Variants in HPSE2 observed in about 807,000 individuals in gnomAD.
The protein encoded by HPSE2 is inactive heparanase-2.
HPSE2 carries 38 observed loss-of-function variants against 60.5 expected under a neutral mutation model. That is an observed-to-expected ratio of 0.63 (90% CI 0.48 to 0.82). HPSE2 has a LOEUF of 0.82. HPSE2 is among the 40% of genes least tolerant of loss of function. The pLI is 0.00. For synonymous variants in HPSE2, 295 were observed against 293.2 expected (o/e 1.01, Z -0.06); for missense variants, 713 against 740.4 (o/e 0.96, Z 0.43).
rs187230810 is a variant in HPSE2 at position 99,126,115 on chromosome 10, G to A, written c.610+18123C>T. Among the ~76,000 whole-genome samples, 3 of 152,262 alleles carry A rather than the reference G, an allele frequency of 2.0e-5. No individual in the cohort carries two copies. On this transcript the variant is annotated intron_variant, in intron 3 of 11. Coordinates refer to ENST00000370552, the MANE Select transcript of HPSE2 (RefSeq NM_021828.5). The surrounding 1 kb of genome is among the most constrained non-coding windows in gnomAD (Gnocchi z 4.0). ...GCTTACGACCTGGTGCAAGGTCTGA[G>A]TGAGGCACTGCAGGAACAAGACCAG...
chr10:98,593,114 T>G (rs145819619), intron 9 of HPSE2, among the ~76,000 whole-genome samples: 1 of 152,248 alleles, frequency 6.6e-6, no homozygotes, highest in African/African-American at 2.4e-5. Context: ...TAATATTTCC[T>G]GCCTTCAATT....
intron 3 of HPSE2, among the ~76,000 whole-genome samples, chr10:98,915,970 T>C (rs552805471): frequency 2.0e-5 from 3 of 152,196 alleles, no homozygotes; most frequent in Non-Finnish European, 2.9e-5. Flanking sequence ...TTTTTCCACA[T>C]AGGATTCACA....
chr10:98,503,987 C>A (rs545803067), intron 9 of HPSE2, among the ~76,000 whole-genome samples: 1 of 152,148 alleles, frequency 6.6e-6, no homozygotes, highest in Non-Finnish European at 1.5e-5. Flanking sequence ...CAAATACCAC[C>A]TTTACCCCAA....
chr10:99,136,920 G>T (rs185297970), intron 3 of HPSE2, among the ~76,000 whole-genome samples: 3 of 152,258 alleles, frequency 2.0e-5, no homozygotes, highest in African/African-American at 7.2e-5. Context: ...GAAATAAAGC[G>T]TATTCAAATA....
chr10:98,944,095 G>C (rs1955106629), intron 3 of HPSE2, among the ~76,000 whole-genome samples: 1 of 152,134 alleles, frequency 6.6e-6, no homozygotes, highest in African/African-American at 2.4e-5. Context: ...TAGAGGTACA[G>C]GGAAGATGCT....
In HPSE2 at chr10:98,585,951, CAA is replaced by C. The variant is rs35839169; in HGVS notation, c.1320+28951_1320+28952del. On this transcript the variant is annotated intron_variant, in intron 9 of 11. Coordinates refer to ENST00000370552, the MANE Select transcript of HPSE2 (RefSeq NM_021828.5). ...AGGGTGACAGAGCAAGACTGTGTCTCAAAAAAAAAAAAAAAAAAAAGTCCTTA... is the reference window on the plus strand; with the variant it reads ...AGGGTGACAGAGCAAGACTGTGTCTCAAAAAAAAAAAAAAAAAAGTCCTTA... 3.3e-3 allele frequency among the ~76,000 whole-genome samples: 388 copies of C among 117,070 alleles called. 3 individuals are homozygous for C. The highest frequency in any genetic ancestry group is 0.012 in the African/African-American group (357 of 29,960). The allele number at this position is 117,070 out of a possible 152,430, so 76.8% of individuals were successfully genotyped here.
intron 3 of HPSE2, among the ~76,000 whole-genome samples, chr10:99,046,966 T>C (rs1957870126): frequency 6.6e-6 from 1 of 152,088 alleles, no homozygotes; most frequent in Non-Finnish European, 1.5e-5. Context: ...AAAAAGATAT[T>C]CTAAAATTCA....
intron 3 of HPSE2, among the ~76,000 whole-genome samples, chr10:98,959,575 A>G (rs1230951915): frequency 6.6e-6 from 1 of 152,158 alleles, no homozygotes; most frequent in African/African-American, 2.4e-5. Context: ...TCAATGATCT[A>G]CATTTGAGAG....
At chr10:98,886,051 T>C (rs1953154693) in intron 3 of HPSE2, among the ~76,000 whole-genome samples, 1 of 152,082 alleles carries the variant, frequency 6.6e-6, no homozygotes, top group Admixed American at 6.6e-5. Context: ...TTTAAAACTT[T>C]AGGATGAAAC....
At chr10:98,798,609 T>C (rs1950834471) in intron 3 of HPSE2, among the ~76,000 whole-genome samples, 1 of 152,122 alleles carries the variant, frequency 6.6e-6, no homozygotes, top group Admixed American at 6.5e-5. Context: ...AGAGTTTTAA[T>C]TAGTTTTCTT....
chr10:98,515,558 C>T (rs1253783091), intron 9 of HPSE2, among the ~76,000 whole-genome samples: 1 of 152,020 alleles, frequency 6.6e-6, no homozygotes, highest in East Asian at 1.9e-4. Flanking sequence ...ATAGAATTAT[C>T]CTGTTTTAAG....
At chr10:98,483,122 A>G (rs908746160) in intron 10 of HPSE2, among the ~76,000 whole-genome samples, 1 of 152,238 alleles carries the variant, frequency 6.6e-6, no homozygotes, top group Non-Finnish European at 1.5e-5. Context: ...AAGAAGAAAA[A>G]GAAAATTCCC....
intron 9 of HPSE2, among the ~76,000 whole-genome samples, chr10:98,574,256 G>A (rs1440523385): frequency 3.3e-5 from 5 of 152,104 alleles, no homozygotes; most frequent in Non-Finnish European, 7.4e-5. Context: ...CAGTCATACT[G>A]TGGATTACTG....
chr10:99,048,584 T>C (rs1322990662), intron 3 of HPSE2, among the ~76,000 whole-genome samples: 2 of 152,090 alleles, frequency 1.3e-5, no homozygotes, highest in African/African-American at 2.4e-5. Context: ...AAACAAGATA[T>C]ATTGGTGAGG....
chr10:99,195,846 T>TA lies in HPSE2; in HGVS notation c.448+36501dup, dbSNP rs35111021. 2.0e-3 allele frequency among the ~76,000 whole-genome samples: 299 copies of TA among 149,290 alleles called. 1 individual carries two copies. The highest frequency in any genetic ancestry group is 0.011 in the East Asian group (58 of 5,098). ...ATATCAATGACATTCTTCACCAAAA[T>TA]AAAAAAAAAATCCTAAAATTTATAT... On this transcript the variant is annotated intron_variant, in intron 2 of 11. Transcript: ENST00000370552.
intron 3 of HPSE2, among the ~76,000 whole-genome samples, chr10:99,123,156 AAC>A (rs1354452434): frequency 5.9e-5 from 9 of 152,192 alleles, no homozygotes; most frequent in African/African-American, 1.9e-4. Flanking sequence ...CTAAATTAAA[AAC>A]AGTCAAAAAA....
At chr10:98,898,553 G>A (rs1953565505) in intron 3 of HPSE2, among the ~76,000 whole-genome samples, 1 of 152,112 alleles carries the variant, frequency 6.6e-6, no homozygotes, top group Non-Finnish European at 1.5e-5. Context: ...AAAGATCAGT[G>A]TTTCTAGGGG....
intron 9 of HPSE2, among the ~76,000 whole-genome samples, chr10:98,544,301 T>A (rs1943576580): frequency 6.6e-6 from 1 of 152,078 alleles, no homozygotes; most frequent in African/African-American, 2.4e-5. Flanking sequence ...AGACACAACA[T>A]ACCAGAATCT....
At chr10:98,742,786 CAT>C (rs1402666200) in intron 4 of HPSE2, among the ~76,000 whole-genome samples, 1 of 74,522 alleles carries the variant, frequency 1.3e-5, no homozygotes, top group African/African-American at 5.1e-5. Context: ...CACACACACA[CAT>C]ACATACACAC....
Sources: gnomAD v4.1 joint callset for allele counts (sites outside exome capture counted in the v4.1 genomes callset) on GRCh38, gnomAD v4.1.1 for gene constraint, Gnocchi (gnomAD v3.1) non-coding constraint, MANE v1.5 for transcripts, NCBI Gene and HGNC (gene_info 2026-07-23, HGNC 2026-07-21) for gene names.